The following DLC1 variants were observed in gnomAD, a reference collection of about 807,000 sequenced individuals.
DLC1 encodes rho GTPase-activating protein 7.
In DLC1, 54 loss-of-function variants were observed where a neutral mutation model predicts 140.3. That is an observed-to-expected ratio of 0.38 (90% CI 0.31 to 0.48). DLC1 has a LOEUF of 0.48. Ranked by LOEUF, DLC1 falls within the 20% of genes least tolerant of loss-of-function variation. The pLI is 0.96. For missense variants in DLC1, 2,536 were observed against 1,907.0 expected, an observed-to-expected ratio of 1.33 and a Z score of -6.14; for synonymous variants, 986 against 728.1, an observed-to-expected ratio of 1.35 and a Z score of -5.70.
At chr8:13,133,342 G>C in intron 5 of DLC1, 1 of 1,150,400 alleles carries the variant, frequency 8.7e-7, no homozygotes, top group East Asian at 6.6e-5. Context: ...ACCCCCCGAG[G>C]GGCGGGGCCA....
intron 2 of DLC1, among the ~76,000 whole-genome samples, chr8:13,423,306 G>T (rs1388652907): frequency 1.3e-5 from 2 of 152,062 alleles, no homozygotes; most frequent in Non-Finnish European, 2.9e-5. Flanking sequence ...CTCTTCCTGT[G>T]ATCCCTACTA....
Position 13,478,687 on chromosome 8 carries a change from C to T in DLC1, c.1023+20362G>A, listed in dbSNP as rs570158053. Among the ~76,000 whole-genome samples the T allele has an allele frequency of 3.9e-5, 6 of 152,290 alleles. No individual in the cohort carries two copies. In the South Asian group the frequency reaches 1.2e-3, roughly 32 times the overall value. On this transcript the variant is annotated intron_variant, in intron 2 of 17. Coordinates refer to ENST00000276297, the MANE Select transcript of DLC1 (RefSeq NM_182643.3). ...CTCTCCTCAGGTATCAATAATATTT[C>T]CTCTACTGAATCATTTCTATCAGCT...
chr8:13,286,519 G>T (rs1011176998), intron 5 of DLC1, among the ~76,000 whole-genome samples: 2 of 152,104 alleles, frequency 1.3e-5, no homozygotes, highest in South Asian at 4.2e-4. Context: ...ACTCAATAAT[G>T]ATGTTTCTAT....
chr8:13,589,935 A>G (rs553413665), intron 1 of DLC1, among the ~76,000 whole-genome samples: 44 of 152,040 alleles, frequency 2.9e-4, no homozygotes, highest in African/African-American at 1.0e-3. Flanking sequence ...CACAGCTGCT[A>G]TCTGTGTATT....
At chr8:13,140,525 C>G (rs925732939) in intron 5 of DLC1, among the ~76,000 whole-genome samples, 63 of 151,972 alleles carry the variant, frequency 4.1e-4, no homozygotes, top group African/African-American at 1.3e-3. Context: ...AGCCACAGTG[C>G]CTGGCCAACT....
intron 5 of DLC1, among the ~76,000 whole-genome samples, chr8:13,289,815 T>C (rs575822063): frequency 6.6e-6 from 1 of 152,324 alleles, no homozygotes; most frequent in East Asian, 1.9e-4. Context: ...AGCTTCTCAT[T>C]GTACAGCCCC....
At chr8:13,378,366 C>G (rs186907703) in intron 4 of DLC1, among the ~76,000 whole-genome samples, 11 of 151,770 alleles carry the variant, frequency 7.2e-5, no homozygotes, top group African/African-American at 2.7e-4. Flanking sequence ...TGTATTAATT[C>G]TCTGTAGGAT....
chr8:13,168,356 A>G (rs999144768), intron 5 of DLC1, among the ~76,000 whole-genome samples: 1 of 152,206 alleles, frequency 6.6e-6, no homozygotes, highest in Non-Finnish European at 1.5e-5. Context: ...GTCTGTATCT[A>G]GATCTCGTTC....
intron 4 of DLC1, among the ~76,000 whole-genome samples, chr8:13,375,715 T>C (rs1835947126): frequency 9.1e-6 from 1 of 109,942 alleles, no homozygotes; most frequent in South Asian, 2.7e-4. Flanking sequence ...CAATGATGAC[T>C]GTTATTTTAT....
chr8:13,095,270 G>C, intron 10 of DLC1, 25 bp from the exon 11 acceptor site: 2 of 1,613,970 alleles, frequency 1.2e-6, no homozygotes, highest in African/African-American at 2.7e-5. Flanking sequence ...AGAGATGGTG[G>C]TGTTGGCGGA....
intron 1 of DLC1, among the ~76,000 whole-genome samples, chr8:13,509,752 A>G (rs967317964): frequency 1.1e-4 from 16 of 152,150 alleles, no homozygotes; most frequent in African/African-American, 3.6e-4. Flanking sequence ...TGTCAAATAC[A>G]TACTGGTGGG....
chr8:13,417,820 C>T (rs1585073290), intron 2 of DLC1, among the ~76,000 whole-genome samples: 1 of 152,118 alleles, frequency 6.6e-6, no homozygotes, highest in East Asian at 1.9e-4. Context: ...AGTTTACAGT[C>T]CCACCAACAG....
intron 4 of DLC1, among the ~76,000 whole-genome samples, chr8:13,311,972 T>C (rs181871348): frequency 7.5e-4 from 115 of 152,332 alleles, no homozygotes; most frequent in African/African-American, 2.5e-3. Flanking sequence ...TACCTAAATG[T>C]TGAATTTCAG....
chr8:13,525,837 T>C (rs1336724095), intron 1 of DLC1, among the ~76,000 whole-genome samples: 1 of 152,174 alleles, frequency 6.6e-6, no homozygotes, highest in Non-Finnish European at 1.5e-5. Flanking sequence ...GAAATAACTC[T>C]CAAGTGTTTT....
Position 13,298,741 on chromosome 8 carries a change from A to G in DLC1, c.1348+6528T>C, listed in dbSNP as rs1180296266. 2.6e-5 allele frequency among the ~76,000 whole-genome samples: 4 copies of G among 152,186 alleles called. No homozygotes were observed. The East Asian group carries it at 7.7e-4, about 29-fold the overall frequency. On this transcript the variant is annotated intron_variant, in intron 5 of 17. Coordinates refer to ENST00000276297, the MANE Select transcript of DLC1 (RefSeq NM_182643.3). The stretch of plus-strand genomic sequence containing the variant: ...GCAAGTAGGATTTTCAAGACAGGGG[A>G]TAAAAATAACCTGTTAGGCACTATG...
intron 1 of DLC1, among the ~76,000 whole-genome samples, chr8:13,587,650 T>G (rs900067): frequency 1.3e-5 from 2 of 148,268 alleles, no homozygotes; most frequent in African/African-American, 4.9e-5. Context: ...ATATGTATGT[T>G]TATATAGGCG....
chr8:13,459,337 T>A (rs917959888), intron 2 of DLC1, among the ~76,000 whole-genome samples: 4 of 152,232 alleles, frequency 2.6e-5, no homozygotes, highest in African/African-American at 9.6e-5. Context: ...TCTATCCCAA[T>A]GTCAGAAGGT....
intron 5 of DLC1, among the ~76,000 whole-genome samples, chr8:13,149,572 G>A (rs1426489669): frequency 6.6e-6 from 1 of 152,076 alleles, no homozygotes; most frequent in Non-Finnish European, 1.5e-5. Context: ...CCTTCTTCCT[G>A]GCTCTATCCC....
At chr8:13,570,852 C>T (rs1047677341) in intron 1 of DLC1, among the ~76,000 whole-genome samples, 1 of 152,128 alleles carries the variant, frequency 6.6e-6, no homozygotes, top group South Asian at 2.1e-4. Flanking sequence ...AGAGTCTCCC[C>T]TCTACCCTGT....
Sources: gnomAD v4.1 joint callset for allele counts (sites outside exome capture counted in the v4.1 genomes callset) on GRCh38, gnomAD v4.1.1 for gene constraint, MANE v1.5 for transcripts, NCBI Gene and HGNC (gene_info 2026-07-23, HGNC 2026-07-21) for gene names.